The following NCKAP5 variants were observed in gnomAD, a reference collection of about 807,000 sequenced individuals.
NCKAP5 encodes the protein NCK associated protein 5.
A neutral mutation model predicts 167.0 loss-of-function variants in NCKAP5; 92 were observed. That is an observed-to-expected ratio of 0.55 (90% confidence interval 0.47 to 0.66). The LOEUF is 0.66. Among genes scored for constraint, NCKAP5 ranks in the 30% least tolerant of loss-of-function variants. The pLI is 0.00. For synonymous variants in NCKAP5, 891 were observed against 877.4 expected (o/e 1.02, Z -0.27); for missense variants, 2,378 against 2,315.0 (o/e 1.03, Z -0.56).
At chr2:132,688,419 A>G (rs1285590757) in intron 19 of NCKAP5, among the ~76,000 whole-genome samples, 1 of 152,226 alleles carries the variant, frequency 6.6e-6, no homozygotes, top group Non-Finnish European at 1.5e-5. Context: ...CAAAAAAATC[A>G]AAAGATTTTA....
intron 6 of NCKAP5, among the ~76,000 whole-genome samples, chr2:133,020,524 G>A (rs1019914854): frequency 2.0e-5 from 3 of 152,222 alleles, no homozygotes; most frequent in African/African-American, 7.2e-5. Context: ...AAGAAACTTT[G>A]GGGTTCAGGG....
intron 6 of NCKAP5, among the ~76,000 whole-genome samples, chr2:133,084,729 G>A (rs976884976): frequency 1.3e-5 from 2 of 152,124 alleles, no homozygotes; most frequent in Non-Finnish European, 2.9e-5. Context: ...CCTCTTTCAA[G>A]AGACTTACAG....
chr2:132,917,256 A>G, intron 8 of NCKAP5, among the ~76,000 whole-genome samples: 1 of 152,198 alleles, frequency 6.6e-6, no homozygotes, highest in South Asian at 2.1e-4. Context: ...GACTTAAAAT[A>G]ATTTTCAGTG....
At chr2:132,915,289 G>A (rs533687275) in intron 8 of NCKAP5, among the ~76,000 whole-genome samples, 14 of 152,150 alleles carry the variant, frequency 9.2e-5, no homozygotes, top group South Asian at 4.1e-4. Flanking sequence ...ACGAGAGGCC[G>A]TCCTGTGTGC....
chr2:133,381,902 C>G (rs1478417780), intron 3 of NCKAP5, among the ~76,000 whole-genome samples: 1 of 152,208 alleles, frequency 6.6e-6, no homozygotes, highest in East Asian at 1.9e-4. Flanking sequence ...CCAGGGAGCT[C>G]TGCGCTGAAG....
intron 3 of NCKAP5, among the ~76,000 whole-genome samples, chr2:133,486,388 T>G (rs1484054345): frequency 6.6e-6 from 1 of 152,222 alleles, no homozygotes; most frequent in Non-Finnish European, 1.5e-5. Context: ...CAACAGTGGC[T>G]GCATCGTCAT....
chr2:133,043,847 A>G (rs1218085634), intron 6 of NCKAP5, among the ~76,000 whole-genome samples: 1 of 149,528 alleles, frequency 6.7e-6, no homozygotes, highest in Admixed American at 6.7e-5. Context: ...CTGATCACAC[A>G]GCTTGGAATT....
At chr2:133,038,108 T>A (rs185119899) in intron 6 of NCKAP5, among the ~76,000 whole-genome samples, 1 of 152,162 alleles carries the variant, frequency 6.6e-6, no homozygotes, top group Non-Finnish European at 1.5e-5. Context: ...CCAGCAATCT[T>A]ACTGGTTGGT....
At position 133,471,744 on chromosome 2, in the gene NCKAP5, T is replaced by C. The variant is rs769487208; in HGVS notation, c.69+45714A>G. On this transcript the variant is annotated intron_variant, in intron 3 of 19. Coordinates refer to ENST00000409261, the MANE Select transcript of NCKAP5 (RefSeq NM_207363.3). Reference sequence around the variant, plus strand: ...AATCTCTTACCTAAGGTAATGTTGATCAGCCACTACTCCTCTCCCCTTGTC... The same window carrying C: ...AATCTCTTACCTAAGGTAATGTTGACCAGCCACTACTCCTCTCCCCTTGTC... 1.3e-4 allele frequency among the ~76,000 whole-genome samples: 20 copies of C among 152,270 alleles called. No individual in the cohort carries two copies. In the South Asian group the frequency reaches 1.7e-3, roughly 13 times the overall value.
intron 11 of NCKAP5, among the ~76,000 whole-genome samples, chr2:132,806,151 C>A (rs186175986): frequency 6.6e-6 from 1 of 152,024 alleles, no homozygotes; most frequent in East Asian, 1.9e-4. Context: ...GTATATATAC[C>A]ACAGTTTCTT....
At chr2:133,321,682 T>C (rs1273744896) in intron 3 of NCKAP5, among the ~76,000 whole-genome samples, 5 of 152,218 alleles carry the variant, frequency 3.3e-5, no homozygotes, top group Non-Finnish European at 5.9e-5. Context: ...TCCAGTTTTC[T>C]GTTGAGGCTG....
intron 19 of NCKAP5, among the ~76,000 whole-genome samples, chr2:132,699,084 A>C (rs1021515606): frequency 2.0e-5 from 3 of 152,144 alleles, no homozygotes; most frequent in African/African-American, 7.2e-5. Flanking sequence ...TATTATCATC[A>C]TTGTACAGAA....
At chr2:132,723,304 C>T (rs987284755) in intron 19 of NCKAP5, among the ~76,000 whole-genome samples, 2 of 151,962 alleles carry the variant, frequency 1.3e-5, no homozygotes, top group African/African-American at 4.8e-5. Context: ...GCTGGGACTA[C>T]AGGCGCCTGT....
the NCKAP5 span, among the ~76,000 whole-genome samples, chr2:133,602,138 T>G: frequency 6.6e-6 from 1 of 152,172 alleles, no homozygotes; most frequent in Admixed American, 6.5e-5. Flanking sequence ...GCCTCGAGGA[T>G]GCTGCTGGGA....
At chr2:133,439,856 T>C (rs549083055) in intron 3 of NCKAP5, among the ~76,000 whole-genome samples, 1 of 152,310 alleles carries the variant, frequency 6.6e-6, no homozygotes, top group South Asian at 2.1e-4. Flanking sequence ...CTAATAATTG[T>C]GATACAAAAT....
At chr2:133,498,433 CGG>C (rs1682139500) in intron 3 of NCKAP5, among the ~76,000 whole-genome samples, 3 of 100,352 alleles carry the variant, frequency 3.0e-5, no homozygotes, top group Admixed American at 1.1e-4. Context: ...ATGAGAAAAA[CGG>C]AAGGAAGGAA....
chr2:133,355,531 T>G (rs1310106314), intron 3 of NCKAP5, among the ~76,000 whole-genome samples: 1 of 152,244 alleles, frequency 6.6e-6, no homozygotes, highest in African/African-American at 2.4e-5. Context: ...TAGCAGATTT[T>G]GGGTTTGCAT....
At position 132,782,484 on chromosome 2, in the gene NCKAP5, A is replaced by T. The variant is rs1241659345; in HGVS notation, c.4327T>A (p.Ser1443Thr). The change falls in exon 14 of 20, where the codon TCC becomes ACC. Residue 1443 changes from serine to threonine, a missense_variant. By Grantham distance (58) the Ser-to-Thr change is moderately conservative (BLOSUM62 1). Transcript: ENST00000409261. ...HPSTFETSST[S>T]KLETSGRHPD... ...TGCCTTCCAGAAGTTTCTAGCTTGG[A>T]TGTACTGCTTGTTTCAAAAGTGCTT... The T allele has an allele frequency of 1.9e-6, 3 of 1,611,380 alleles. No homozygotes were observed. The highest frequency in any genetic ancestry group is 2.5e-6 in the Non-Finnish European group (3 of 1,178,870).
chr2:132,802,329 C>T (rs1558799179), intron 11 of NCKAP5, among the ~76,000 whole-genome samples: 1 of 152,184 alleles, frequency 6.6e-6, no homozygotes, highest in Non-Finnish European at 1.5e-5. Context: ...GCTGATTTCT[C>T]AGAAAAAGAA....
Sources: gnomAD v4.1 joint callset for allele counts (sites outside exome capture counted in the v4.1 genomes callset) on GRCh38, gnomAD v4.1.1 for gene constraint, MANE v1.5 for transcripts, NCBI Gene and HGNC (gene_info 2026-07-23, HGNC 2026-07-21) for gene names.